The following ZFHX3 variants were observed in gnomAD, a reference collection of about 807,000 sequenced individuals.
The protein encoded by ZFHX3 is zinc finger homeobox 3.
ZFHX3 carries 42 observed loss-of-function variants against 279.1 expected under a neutral mutation model. The observed-to-expected ratio is 0.15, with a 90% CI of 0.12 to 0.19. ZFHX3 has a LOEUF of 0.19. Ranked by LOEUF, ZFHX3 falls within the 10% of genes least tolerant of loss-of-function variation. The pLI is 1.00. For missense variants in ZFHX3, 4,981 were observed against 4,754.0 expected (o/e 1.05, Z -1.40); for synonymous variants, 2,293 against 1,957.8 (o/e 1.17, Z -4.52).
intron 4 of ZFHX3, among the ~76,000 whole-genome samples, chr16:72,869,331 G>A (rs1220840544): frequency 3.9e-5 from 6 of 151,974 alleles, no homozygotes; most frequent in Admixed American, 6.5e-5. Flanking sequence ...CAGAGCCCTC[G>A]CCAACCAGAG....
chr16:73,346,253 C>A (rs1181236888), intron 3 of ZFHX3, among the ~76,000 whole-genome samples: 1 of 152,212 alleles, frequency 6.6e-6, no homozygotes, highest in Non-Finnish European at 1.5e-5. Context: ...TGGGAAACAT[C>A]TGTCCCTCCC....
At chr16:72,833,342 T>C (rs756607768) in intron 4 of ZFHX3, among the ~76,000 whole-genome samples, 2 of 152,126 alleles carry the variant, frequency 1.3e-5, no homozygotes, top group Non-Finnish European at 2.9e-5. Context: ...CCACAGATCA[T>C]GGATTGCATT....
chr16:72,849,126 C>A (rs1007338737), intron 4 of ZFHX3, among the ~76,000 whole-genome samples: 3 of 151,896 alleles, frequency 2.0e-5, no homozygotes, highest in Admixed American at 6.5e-5. Flanking sequence ...AAGAGGCCAA[C>A]GCCCGCCCTC....
intron 4 of ZFHX3, among the ~76,000 whole-genome samples, chr16:72,868,474 T>C (rs1339745345): frequency 2.6e-5 from 4 of 152,168 alleles, no homozygotes; most frequent in African/African-American, 9.7e-5. Flanking sequence ...TCCCTCACAT[T>C]CTTCCATCTT....
chr16:73,682,906 G>GAAAAGAA (rs1323501382), intron 1 of ZFHX3, among the ~76,000 whole-genome samples: 6 of 28,710 alleles, frequency 2.1e-4, no homozygotes, highest in African/African-American at 4.9e-4. Flanking sequence ...AAGAAAGAAA[G>GAAAAGAA]AGAAAGAAAG....
Position 72,795,004 on chromosome 16 carries a change from A to C in ZFHX3, c.7678T>G (p.Phe2560Val), listed in dbSNP as rs1233969572. The C allele has an allele frequency of 8.7e-6, 14 of 1,614,202 alleles. No homozygotes were observed. Among genetic ancestry groups the C allele is most frequent in the Non-Finnish European group, 1.2e-5 (14 of 1,180,044 alleles). Residue 2560 changes from phenylalanine (F) to valine (V), a missense_variant, in exon 9 of 10, where the codon TTC (phenylalanine) becomes GTC (valine). Physicochemically the swap from Phe to Val is conservative, Grantham distance 50. This residue lies in a region of ZFHX3 where 744 missense variants were observed against 701.3 expected (regional missense o/e 1.06). Coordinates refer to ENST00000268489, the MANE Select transcript of ZFHX3 (RefSeq NM_006885.4). ...QLHFLSAQNQ[F>V]IHPQFLDRSL... The stretch of plus-strand genomic sequence containing the variant: ...CTGTCCAAAAACTGGGGGTGGATGA[A>C]CTGGTTCTGCGCGCTCAGGAAGTGG...
At chr16:73,525,874 C>G (rs565920976) in intron 2 of ZFHX3, among the ~76,000 whole-genome samples, 1 of 152,110 alleles carries the variant, frequency 6.6e-6, no homozygotes, top group Non-Finnish European at 1.5e-5. Flanking sequence ...TCAGCAGAGG[C>G]GAAAGCAGTG....
chr16:73,790,717 T>C (rs1185842395), intron 1 of ZFHX3, among the ~76,000 whole-genome samples: 3 of 152,228 alleles, frequency 2.0e-5, no homozygotes, highest in African/African-American at 4.8e-5. Flanking sequence ...TTTGTTGGCA[T>C]GTGAAGCTGC....
At chr16:73,699,263 A>C (rs950463315) in intron 1 of ZFHX3, among the ~76,000 whole-genome samples, 1 of 152,208 alleles carries the variant, frequency 6.6e-6, no homozygotes, top group African/African-American at 2.4e-5. Context: ...GTGTGTAAGG[A>C]AACTCTCTCT....
chr16:73,707,121 C>T (rs2053312437), intron 1 of ZFHX3, among the ~76,000 whole-genome samples: 1 of 152,192 alleles, frequency 6.6e-6, no homozygotes. Flanking sequence ...TTTAATTCAA[C>T]TTATTTGAAG....
chr16:72,855,183 G>C (rs1460638701), intron 4 of ZFHX3, among the ~76,000 whole-genome samples: 1 of 152,172 alleles, frequency 6.6e-6, no homozygotes, highest in Non-Finnish European at 1.5e-5. Flanking sequence ...CACAAGGCTG[G>C]GGTTAATGGC....
intron 1 of ZFHX3, among the ~76,000 whole-genome samples, chr16:73,848,630 T>A (rs1486146031): frequency 2.6e-5 from 4 of 152,220 alleles, no homozygotes; most frequent in African/African-American, 9.6e-5. Context: ...ACATTAGGAA[T>A]TTTTTTAAAT....
At chr16:73,663,421 G>A (rs1332544932) in intron 2 of ZFHX3, among the ~76,000 whole-genome samples, 2 of 152,170 alleles carry the variant, frequency 1.3e-5, no homozygotes, top group African/African-American at 4.8e-5. Context: ...GGTCTTGCCT[G>A]GTACAATGAA....
chr16:72,882,807 G>T (rs778232340), intron 4 of ZFHX3, among the ~76,000 whole-genome samples: 3 of 152,070 alleles, frequency 2.0e-5, no homozygotes, highest in African/African-American at 7.2e-5. Context: ...TTCTTGCCTG[G>T]TATCGACGTA....
chr16:73,652,853 T>G (rs1307646491), intron 2 of ZFHX3, among the ~76,000 whole-genome samples: 1 of 151,998 alleles, frequency 6.6e-6, no homozygotes, highest in Non-Finnish European at 1.5e-5. Flanking sequence ...GAATACAAAA[T>G]ACAATGGCAA....
intron 1 of ZFHX3, among the ~76,000 whole-genome samples, chr16:73,774,038 T>C (rs961990104): frequency 2.6e-5 from 4 of 152,036 alleles, no homozygotes; most frequent in African/African-American, 9.7e-5. Context: ...CTCGGGAGCT[T>C]AGGCAGGAGG....
intron 1 of ZFHX3, among the ~76,000 whole-genome samples, chr16:73,771,330 C>A (rs537267652): frequency 1.3e-5 from 2 of 152,232 alleles, no homozygotes; most frequent in South Asian, 2.1e-4. Context: ...GGTGATGGCG[C>A]CCCAACAGCT....
At chr16:72,891,663 G>A (rs2038776503) in intron 3 of ZFHX3, among the ~76,000 whole-genome samples, 2 of 152,204 alleles carry the variant, frequency 1.3e-5, no homozygotes, top group African/African-American at 4.8e-5. Flanking sequence ...AGATGTAGAA[G>A]CTGAGGCTTG....
chr16:73,277,900 GAGAGAGAGGC>G (rs796429725), intron 4 of ZFHX3, among the ~76,000 whole-genome samples: 15 of 152,252 alleles, frequency 9.9e-5, no homozygotes, highest in African/African-American at 3.6e-4. Flanking sequence ...GCAGGAGCAA[GAGAGAGAGGC>G]AGGGGAGATG....
Sources: gnomAD v4.1 joint callset for allele counts (sites outside exome capture counted in the v4.1 genomes callset) on GRCh38, gnomAD v4.1.1 for gene constraint, gnomAD v4.1.1 regional missense constraint, MANE v1.5 for transcripts, NCBI Gene and HGNC (gene_info 2026-07-23, HGNC 2026-07-21) for gene names.